Variants in TANC1 observed in about 807,000 individuals in gnomAD.
TANC1 encodes the protein protein TANC1.
TANC1 carries 77 observed loss-of-function variants against 149.7 expected under a neutral mutation model. That is an observed-to-expected ratio of 0.51 (90% CI 0.43 to 0.62). The LOEUF (loss-of-function observed/expected upper bound fraction) is 0.62. Among genes scored for constraint, TANC1 ranks in the 20% least tolerant of loss-of-function variants. The pLI, the probability that TANC1 is intolerant of heterozygous loss-of-function variation, is 0.00. For missense variants in TANC1, 1,985 were observed against 2,321.8 expected (o/e 0.85, Z 2.98); for synonymous variants, 854 against 925.0 (o/e 0.92, Z 1.39).
At chr2:159,029,595 G>T (rs1329935592) in intron 2 of TANC1, among the ~76,000 whole-genome samples, 1 of 152,116 alleles carries the variant, frequency 6.6e-6, no homozygotes, top group Non-Finnish European at 1.5e-5. Context: ...AGACAGTCTT[G>T]CTCTGTCAAC....
chr2:159,226,007 C>A (rs1164214845), intron 24 of TANC1: 5 of 530,620 alleles, frequency 9.4e-6, no homozygotes, highest in African/African-American at 1.9e-5. Context: ...TATGGCAAAA[C>A]CCCATCTTTA....
intron 19 of TANC1, among the ~76,000 whole-genome samples, chr2:159,217,178 G>A (rs1275095887): frequency 6.6e-6 from 1 of 152,146 alleles, no homozygotes; most frequent in Non-Finnish European, 1.5e-5. Flanking sequence ...TGGCAGCCAT[G>A]CCCAGGCCTC....
intron 2 of TANC1, among the ~76,000 whole-genome samples, chr2:159,037,773 T>C (rs2040315035): frequency 6.6e-6 from 1 of 152,236 alleles, no homozygotes; most frequent in Admixed American, 6.5e-5. Flanking sequence ...TAGTATAGTT[T>C]GAAGTCGGGT....
At chr2:159,140,607 C>T (rs184903156) in intron 5 of TANC1, among the ~76,000 whole-genome samples, 3 of 151,112 alleles carry the variant, frequency 2.0e-5, no homozygotes, top group Admixed American at 6.6e-5. Flanking sequence ...CTGTATATGG[C>T]GTGACTGTAA....
At chr2:159,226,083 T>C in intron 24 of TANC1, 1 of 359,452 alleles carries the variant, frequency 2.8e-6, no homozygotes, top group Non-Finnish European at 5.2e-6. Context: ...GGCAGGAGAA[T>C]TGTTTCAATC....
At chr2:158,995,247 G>T (rs553975151) in intron 1 of TANC1, among the ~76,000 whole-genome samples, 1 of 152,266 alleles carries the variant, frequency 6.6e-6, no homozygotes, top group African/African-American at 2.4e-5. Flanking sequence ...GGCTGGGGGG[G>T]CGCTCAGTTT....
chr2:159,068,161 A>G (rs549416293), intron 3 of TANC1, among the ~76,000 whole-genome samples: 2 of 152,362 alleles, frequency 1.3e-5, no homozygotes, highest in South Asian at 2.1e-4. Flanking sequence ...ATGAAGTTAT[A>G]TCACAGGATT....
chr2:158,979,058 AT>A (rs932531932), intron 1 of TANC1, among the ~76,000 whole-genome samples: 2 of 152,008 alleles, frequency 1.3e-5, no homozygotes, highest in Non-Finnish European at 1.5e-5. Context: ...ATATGATATA[AT>A]TTTTTTCAGA....
intron 2 of TANC1, among the ~76,000 whole-genome samples, chr2:159,052,423 G>T (rs887940403): frequency 3.9e-5 from 6 of 152,160 alleles, no homozygotes; most frequent in African/African-American, 1.4e-4. Context: ...TCCTGCTAAT[G>T]TGTGCCAATC....
At chr2:159,075,310 G>A (rs1388430037) in intron 3 of TANC1, among the ~76,000 whole-genome samples, 1 of 151,892 alleles carries the variant, frequency 6.6e-6, no homozygotes, top group Non-Finnish European at 1.5e-5. Flanking sequence ...GTTCATGCCT[G>A]TAATCCCAAC....
intron 1 of TANC1, among the ~76,000 whole-genome samples, chr2:158,979,359 G>C (rs181257724): frequency 6.6e-6 from 1 of 152,012 alleles, no homozygotes; most frequent in African/African-American, 2.4e-5. Flanking sequence ...CAGGCATGGT[G>C]GTACCATGCC....
intron 4 of TANC1, among the ~76,000 whole-genome samples, chr2:159,115,344 G>T (rs1294604651): frequency 6.6e-6 from 1 of 152,102 alleles, no homozygotes; most frequent in African/African-American, 2.4e-5. Context: ...GCCTCCTTGG[G>T]GTTGAGACTG....
chr2:159,078,615 C>T (rs964522520), intron 3 of TANC1, among the ~76,000 whole-genome samples: 32 of 152,300 alleles, frequency 2.1e-4, no homozygotes, highest in African/African-American at 7.7e-4. Flanking sequence ...GAGCTACATC[C>T]TTAGCTCCAA....
intron 3 of TANC1, among the ~76,000 whole-genome samples, chr2:159,066,188 G>A (rs1445063215): frequency 6.6e-6 from 1 of 152,204 alleles, no homozygotes; most frequent in Non-Finnish European, 1.5e-5. Flanking sequence ...CAGGAGGATT[G>A]CTTGAGGCTA....
chr2:159,031,490 T>C (rs779087069), intron 2 of TANC1, among the ~76,000 whole-genome samples: 7 of 152,220 alleles, frequency 4.6e-5, no homozygotes, highest in South Asian at 2.1e-4. Context: ...GAATTACTTA[T>C]GTGAATCTGG....
intron 7 of TANC1, among the ~76,000 whole-genome samples, chr2:159,154,432 A>G (rs747242579): frequency 2.0e-5 from 3 of 152,190 alleles, no homozygotes; most frequent in Non-Finnish European, 4.4e-5. Context: ...CAGGACTGCC[A>G]CAGGGTGCCC....
In TANC1 at chr2:159,178,855, T is replaced by A. The variant is rs762405878; in HGVS notation, c.2202T>A (p.Ser734=). 5.6e-6 allele frequency: 9 copies of A among 1,613,790 alleles called. No homozygotes were observed. The South Asian group carries it at 9.9e-5, about 18-fold the overall frequency. ...ASYKVVPVSL[S]ELYLLQCNMK... is the part of the protein sequence containing the mutation. ...ACAAGGTGGTGCCCGTGTCTCTCTC[T>A]GAGCTCTATTTGCTTCAGTGCAACA... The change falls in exon 14 of 27, where the codon TCT becomes TCA. Residue 734 remains serine (S), a synonymous_variant. Transcript: ENST00000263635.
intron 26 of TANC1, among the ~76,000 whole-genome samples, chr2:159,229,166 C>A (rs931124812): frequency 1.3e-5 from 2 of 152,006 alleles, no homozygotes; most frequent in African/African-American, 4.8e-5. Flanking sequence ...GAACTTCCTA[C>A]CTAGTTTAGT....
At chr2:159,137,136 T>C (rs2050848579) in intron 5 of TANC1, among the ~76,000 whole-genome samples, 2 of 152,220 alleles carry the variant, frequency 1.3e-5, no homozygotes, top group Admixed American at 1.3e-4. Context: ...AACTCAACCA[T>C]ATTTTTACTT....
Sources: allele counts gnomAD v4.1 joint callset (sites outside exome capture counted in the v4.1 genomes callset), GRCh38; gene constraint gnomAD v4.1.1; transcripts MANE v1.5; gene names NCBI Gene and HGNC (gene_info 2026-07-23, HGNC 2026-07-21).